Variants in KCNH8 observed in about 807,000 individuals in gnomAD.
KCNH8 encodes voltage-gated delayed rectifier potassium channel KCNH8.
KCNH8 carries 70 observed loss-of-function variants against 103.6 expected under a neutral mutation model. The ratio of observed to expected loss-of-function variants is 0.68; its 90% CI spans 0.56 to 0.82. KCNH8 has a LOEUF of 0.82. KCNH8 is among the 40% of genes least tolerant of loss of function. KCNH8 has a pLI of 0.00. For missense variants in KCNH8, 1,217 were observed against 1,329.9 expected, an observed-to-expected ratio of 0.92 and a Z score of 1.32; for synonymous variants, 498 against 489.4, an observed-to-expected ratio of 1.02 and a Z score of -0.23.
At chr3:19,237,482 T>G (rs2064081309) in intron 1 of KCNH8, among the ~76,000 whole-genome samples, 1 of 152,220 alleles carries the variant, frequency 6.6e-6, no homozygotes, top group South Asian at 2.1e-4. Context: ...ACCCTCTCCT[T>G]CACATTAGTA....
At chr3:19,199,606 T>G (rs11918533) in intron 1 of KCNH8, among the ~76,000 whole-genome samples, 6,577 of 149,778 alleles carry the variant, frequency 0.044, 512 homozygotes, top group African/African-American at 0.15. Context: ...TATTATATAT[T>G]TTTATGTTAT....
At chr3:19,444,034 A>G (rs1192439458) in intron 8 of KCNH8, among the ~76,000 whole-genome samples, 1 of 151,982 alleles carries the variant, frequency 6.6e-6, no homozygotes, top group Admixed American at 6.6e-5. Context: ...GTGTTTGAAA[A>G]TTGACAAGTT....
chr3:19,212,231 A>T (rs7645532), intron 1 of KCNH8, among the ~76,000 whole-genome samples: 25,433 of 152,102 alleles, frequency 0.17, 2,217 homozygotes, highest in East Asian at 0.23. Flanking sequence ...TTAAGAGAAA[A>T]GTATTACCTT....
In KCNH8 at chr3:19,449,994, A is replaced by G. The variant is rs908056044; in HGVS notation, c.1376-112A>G. On this transcript the variant is annotated intron_variant, in intron 8 of 15. Transcript: ENST00000328405. Reference sequence around the variant, plus strand: ...CCAAAATAGCTGTATCAACATGGCCATGTAACCATGCTCTGCTCTGCTCTG... The same window carrying G: ...CCAAAATAGCTGTATCAACATGGCCGTGTAACCATGCTCTGCTCTGCTCTG... 9 of 839,546 alleles carry G rather than the reference A, an allele frequency of 1.1e-5. No individual in the cohort carries two copies. In the East Asian group the frequency reaches 1.8e-4, roughly 17 times the overall value. 52.0% of individuals were successfully genotyped at this position (839,546 alleles called of 1,614,324 possible). A position where few individuals can be genotyped will look rare whatever the true frequency, so the allele number is the denominator to read the frequency against.
At chr3:19,257,512 G>GT (rs1451371971) in intron 2 of KCNH8, among the ~76,000 whole-genome samples, 2 of 151,928 alleles carry the variant, frequency 1.3e-5, no homozygotes, top group African/African-American at 4.8e-5. Flanking sequence ...ATATCAACAA[G>GT]TTGTGTCTTC....
chr3:19,357,032 G>A (rs1487803195), intron 5 of KCNH8, among the ~76,000 whole-genome samples: 1 of 151,812 alleles, frequency 6.6e-6, no homozygotes, highest in African/African-American at 2.4e-5. Context: ...TTTGTAGGCA[G>A]CAGTATGCCC....
intron 1 of KCNH8, among the ~76,000 whole-genome samples, chr3:19,242,838 A>G (rs1350682033): frequency 1.3e-5 from 2 of 152,172 alleles, no homozygotes; most frequent in African/African-American, 2.4e-5. Context: ...GATGAGGTGG[A>G]TGAAGTGAAC....
rs565504898 is a variant in KCNH8 at position 19,169,637 on chromosome 3, C to T, written c.76+20842C>T. The stretch of plus-strand genomic sequence containing the variant: ...TTTTTGTTGACCGCATCTGAAAATC[C>T]TGTGTGTTATTTCTCACCTCCCTTT... On this transcript the variant is annotated intron_variant, in intron 1 of 15. Coordinates refer to ENST00000328405, the MANE Select transcript of KCNH8 (RefSeq NM_144633.3). Among the ~76,000 whole-genome samples, 116 of 152,296 alleles carry T rather than the reference C, an allele frequency of 7.6e-4. No individual in the cohort carries two copies. In the South Asian group the frequency reaches 0.013, roughly 17 times the overall value.
rs773806542 is a variant in KCNH8 at position 19,450,381 on chromosome 3, G to A, written c.1575+76G>A. ...GTAAACGCAAGATGTTCTAATGCAG[G>A]TATCAGAAGTGAAAAGCATACCAAC... is the stretch of plus-strand genomic sequence containing the variant. On this transcript the variant is annotated intron_variant, in intron 9 of 15. Coordinates refer to ENST00000328405, the MANE Select transcript of KCNH8 (RefSeq NM_144633.3). 1.1e-5 allele frequency: 13 copies of A among 1,140,934 alleles called. No individual in the cohort carries two copies. In the African/African-American group the frequency reaches 1.7e-4, roughly 15 times the overall value. The allele number at this position is 1,140,934 out of a possible 1,614,324, so 70.7% of individuals were successfully genotyped here.
At chr3:19,516,066 C>A (rs1019368229) in intron 14 of KCNH8, among the ~76,000 whole-genome samples, 7 of 151,996 alleles carry the variant, frequency 4.6e-5, no homozygotes, top group African/African-American at 1.7e-4. Flanking sequence ...GAAGACACAC[C>A]TGTATTTGAT....
intron 3 of KCNH8, among the ~76,000 whole-genome samples, chr3:19,334,207 AG>A (rs1421256604): frequency 6.6e-6 from 1 of 152,264 alleles, no homozygotes; most frequent in East Asian, 1.9e-4. Flanking sequence ...GAGGCCTAAG[AG>A]GTGATGGTTC....
At chr3:19,267,606 G>A (rs1323397644) in intron 2 of KCNH8, among the ~76,000 whole-genome samples, 1 of 152,018 alleles carries the variant, frequency 6.6e-6, no homozygotes, top group Non-Finnish European at 1.5e-5. Flanking sequence ...AGTCACCAAG[G>A]TGCTGTAGGT....
At chr3:19,448,927 G>C (rs1319312872) in intron 8 of KCNH8, 1 of 1,265,600 alleles carries the variant, frequency 7.9e-7, no homozygotes. Flanking sequence ...CTTTCTCTCA[G>C]TTTCACAGTT....
At chr3:19,182,546 G>C (rs2063464458) in intron 1 of KCNH8, among the ~76,000 whole-genome samples, 1 of 152,040 alleles carries the variant, frequency 6.6e-6, no homozygotes. Context: ...GAAAAGAAGA[G>C]GCTTAAAAAG....
At chr3:19,240,998 G>A (rs1338032628) in intron 1 of KCNH8, among the ~76,000 whole-genome samples, 1 of 152,026 alleles carries the variant, frequency 6.6e-6, no homozygotes, top group Non-Finnish European at 1.5e-5. Flanking sequence ...TCCCAGTCTG[G>A]CTCTTGTTCT....
chr3:19,242,181 A>G (rs2064150755), intron 1 of KCNH8, among the ~76,000 whole-genome samples: 1 of 152,190 alleles, frequency 6.6e-6, no homozygotes, highest in Admixed American at 6.5e-5. Flanking sequence ...AAATCTTTAA[A>G]GAATTTAAAA....
chr3:19,357,170 G>C (rs2065891215), intron 5 of KCNH8, among the ~76,000 whole-genome samples: 1 of 150,322 alleles, frequency 6.7e-6, no homozygotes, highest in African/African-American at 2.5e-5. Flanking sequence ...TTGTTTTGGT[G>C]GGGAGAGGGG....
At chr3:19,161,370 C>CT (rs1418678398) in intron 1 of KCNH8, among the ~76,000 whole-genome samples, 2 of 152,046 alleles carry the variant, frequency 1.3e-5, no homozygotes, top group African/African-American at 4.8e-5. Context: ...CAATTTATTC[C>CT]TTTTTTCGAG....
chr3:19,326,356 AATATATAT>A (rs34714826), intron 3 of KCNH8, among the ~76,000 whole-genome samples: 9 of 135,766 alleles, frequency 6.6e-5, no homozygotes, highest in African/African-American at 8.4e-5. Context: ...ATGAAAGTTA[AATATATAT>A]ATATATATAT....
Sources: gnomAD v4.1 joint callset for allele counts (sites outside exome capture counted in the v4.1 genomes callset) on GRCh38, gnomAD v4.1.1 for gene constraint, MANE v1.5 for transcripts, NCBI Gene and HGNC (gene_info 2026-07-23, HGNC 2026-07-21) for gene names.